Variants in SLC35H1 observed in about 807,000 individuals in gnomAD.
The protein encoded by SLC35H1 is solute carrier family 35 member H1.
At chr20:46,347,932 T>A in the SLC35H1 span, 1 of 152,204 alleles carries the variant, frequency 6.6e-6, no homozygotes, top group Admixed American at 6.5e-5. Flanking sequence ...AACCTGCAGG[T>A]CAGTCCTCTC....
At chr20:46,346,017 T>C in the SLC35H1 span, 2 of 152,216 alleles carry the variant, frequency 1.3e-5, no homozygotes, top group African/African-American at 4.8e-5. Flanking sequence ...ATGACTTCGA[T>C]ATCTCCAGCA....
chr20:46,356,691 G>C, the SLC35H1 span: 1 of 1,557,978 alleles, frequency 6.4e-7, no homozygotes, highest in Non-Finnish European at 8.8e-7. Flanking sequence ...ACTCTGCTGG[G>C]GTGGGCTGGT....
chr20:46,352,846 G>C, the SLC35H1 span: 8 of 154,190 alleles, frequency 5.2e-5, no homozygotes, highest in African/African-American at 1.7e-4. Context: ...TGAAGTAGAG[G>C]GGGGTGGCCC....
the SLC35H1 span, chr20:46,350,907 A>G: frequency 6.2e-7 from 1 of 1,613,248 alleles, no homozygotes. Context: ...GCAGAGAAGC[A>G]GGAGGGAGCA....
chr20:46,360,158 C>G, the SLC35H1 span, among the ~76,000 whole-genome samples: 1 of 152,188 alleles, frequency 6.6e-6, no homozygotes, highest in African/African-American at 2.4e-5. Flanking sequence ...TTATCTGAAC[C>G]TAGAATGTAA....
At chr20:46,357,528 C>T in the SLC35H1 span, 1 of 1,440,140 alleles carries the variant, frequency 6.9e-7, no homozygotes, top group Non-Finnish European at 9.5e-7. Context: ...AGGGGAGGGA[C>T]TTGGCTTCCA....
chr20:46,350,121 T>G, the SLC35H1 span: 1 of 288,864 alleles, frequency 3.5e-6, no homozygotes. Flanking sequence ...TGGGAAGTGG[T>G]GGGAAGAACC....
chr20:46,355,333 G>T, the SLC35H1 span: 7 of 1,418,854 alleles, frequency 4.9e-6, no homozygotes, highest in Non-Finnish European at 9.5e-7. The surrounding 1 kb of genome is among the most constrained non-coding windows in gnomAD (Gnocchi z 4.8). Flanking sequence ...AGCCATCTTG[G>T]CTGCCCCTGG....
chr20:46,350,921 T>A, the SLC35H1 span: 1 of 1,612,098 alleles, frequency 6.2e-7, no homozygotes, highest in Non-Finnish European at 8.5e-7. Context: ...GGGAGCATGA[T>A]CAACAGGCAG....
chr20:46,354,948 CG>C, the SLC35H1 span: 1 of 1,613,868 alleles, frequency 6.2e-7, no homozygotes, highest in East Asian at 2.2e-5. Flanking sequence ...AACATGGTGT[CG>C]ATGGGATTCT....
the SLC35H1 span, chr20:46,354,812 T>C: frequency 7.5e-7 from 1 of 1,338,110 alleles, no homozygotes; most frequent in Non-Finnish European, 1.0e-6. Flanking sequence ...GCTACCACTG[T>C]GTTGGGCTCA....
the SLC35H1 span, chr20:46,358,513 C>G: frequency 2.0e-5 from 32 of 1,614,204 alleles, no homozygotes; most frequent in East Asian, 1.1e-4. Context: ...CCATTCGTGG[C>G]GGCTGCAGCA....
At chr20:46,349,207 C>T in the SLC35H1 span, 23 of 152,368 alleles carry the variant, frequency 1.5e-4, no homozygotes, top group African/African-American at 5.5e-4. Context: ...AAGCTTTGTC[C>T]CCAAGGGCCG....
the SLC35H1 span, among the ~76,000 whole-genome samples, chr20:46,354,258 C>G: frequency 6.6e-6 from 1 of 152,182 alleles, no homozygotes; most frequent in Non-Finnish European, 1.5e-5. Context: ...GAACACACAT[C>G]CCCAGGTTAT....
At chr20:46,352,993 G>A in the SLC35H1 span, 1 of 152,200 alleles carries the variant, frequency 6.6e-6, no homozygotes, top group Non-Finnish European at 1.5e-5. Flanking sequence ...AAGGTAGGGC[G>A]GCTACCAAGT....
the SLC35H1 span, among the ~76,000 whole-genome samples, chr20:46,362,778 T>C: frequency 6.6e-6 from 1 of 152,116 alleles, no homozygotes; most frequent in African/African-American, 2.4e-5. Flanking sequence ...CTATTCTTTT[T>C]GTTGTTGTTG....
the SLC35H1 span, chr20:46,346,887 CAAA>C: frequency 2.2e-4 from 25 of 114,242 alleles, no homozygotes; most frequent in Admixed American, 5.2e-4. Flanking sequence ...AACTCCATGT[CAAA>C]AAAAAAAAAA....
the SLC35H1 span, chr20:46,355,011 C>T: frequency 6.2e-7 from 1 of 1,613,608 alleles, no homozygotes; most frequent in Admixed American, 1.7e-5. The surrounding 1 kb of genome is among the most constrained non-coding windows in gnomAD (Gnocchi z 4.8). Flanking sequence ...CCGGCCCTGC[C>T]CTGCCTCCGC....
the SLC35H1 span, chr20:46,353,175 C>T: frequency 1.3e-5 from 2 of 152,192 alleles, no homozygotes; most frequent in Non-Finnish European, 2.9e-5. Flanking sequence ...CTTTCTGGAC[C>T]TCAGTTTCCT....
Sources: allele counts gnomAD v4.1 joint callset (sites outside exome capture counted in the v4.1 genomes callset), GRCh38; gene constraint gnomAD v4.1.1; non-coding constraint Gnocchi (gnomAD v3.1); transcripts MANE v1.5; gene names NCBI Gene and HGNC (gene_info 2026-07-23, HGNC 2026-07-21).